NSD1: variants seen among roughly 807,000 people sequenced by gnomAD.
NSD1 encodes nuclear receptor binding SET domain protein 1.
NSD1 carries 26 observed loss-of-function variants against 242.7 expected under a neutral mutation model. The ratio of observed to expected loss-of-function variants is 0.11; its 90% CI spans 0.08 to 0.15. NSD1 has a LOEUF of 0.15. Ranked by LOEUF, NSD1 falls within the 10% of genes least tolerant of loss-of-function variation. The probability of loss-of-function intolerance (pLI) is 1.00; values close to 1 mark genes in which losing one functional copy is unlikely to be tolerated. For missense variants in NSD1, 2,495 were observed against 3,272.8 expected (o/e 0.76, Z 5.80); for synonymous variants, 1,106 against 1,178.1 (o/e 0.94, Z 1.25).
intron 3 of NSD1, 145 bp from the exon 4 acceptor site, chr5:177,203,975 A>G (rs888983596): frequency 5.1e-6 from 4 of 779,266 alleles, no homozygotes; most frequent in Middle Eastern, 3.5e-4. Context: ...TTCCTTGTGT[A>G]TGATCTATTC....
chr5:177,284,579 G>C (rs574819528), intron 20 of NSD1, among the ~76,000 whole-genome samples: 7 of 152,260 alleles, frequency 4.6e-5, no homozygotes, highest in Admixed American at 2.0e-4. Flanking sequence ...GAGCCACCTC[G>C]CTTAGCTTGG....
chr5:177,135,749 G>C lies in NSD1; in HGVS notation c.646G>C (p.Glu216Gln). The C allele has an allele frequency of 6.2e-7, 1 of 1,614,178 alleles. No homozygotes were observed. Among genetic ancestry groups the C allele is most frequent in the African/African-American group, 1.3e-5 (1 of 75,048 alleles). ...GGGAAGTGAACAAGACAGCACACCA[G>C]AGAGTAGACACGGTGCAGTCAAATC... is the stretch of plus-strand genomic sequence containing the variant. ...AMGSEQDSTP[E>Q]SRHGAVKSPF... is the part of the protein sequence containing the mutation. Residue 216 changes from glutamate (E) to glutamine (Q), a missense_variant, in exon 2 of 23, where the codon GAG (glutamate) becomes CAG (glutamine). Transcript: ENST00000439151.
rs1451317440 is a variant in NSD1, at chr5:177,299,442, C to T, written c.*3983C>T. 91 of 233,118 alleles carry T rather than the reference C, an allele frequency of 3.9e-4. No homozygotes were observed. In the East Asian group the frequency reaches 5.5e-3, roughly 14 times the overall value. 14.4% of individuals were successfully genotyped at this position (233,118 alleles called of 1,614,324 possible). A position where few individuals can be genotyped will look rare whatever the true frequency, so the allele number is the denominator to read the frequency against. On this transcript the variant is annotated 3_prime_UTR_variant, in exon 23 of 23. Coordinates refer to ENST00000439151, the MANE Select transcript of NSD1 (RefSeq NM_022455.5). ...CCATTGAGTTTCTCAGGGCTGGGGC[C>T]ACCTTGTCCATAGCCTCCGTCCACG...
chr5:177,255,707 G>C (rs977207700), intron 12 of NSD1, among the ~76,000 whole-genome samples: 8 of 151,946 alleles, frequency 5.3e-5, no homozygotes, highest in African/African-American at 1.7e-4. Flanking sequence ...CTCAGCCTCT[G>C]TATTAGTTGG....
intron 2 of NSD1, among the ~76,000 whole-genome samples, chr5:177,180,585 G>GT (rs1422670506): frequency 6.6e-6 from 1 of 151,990 alleles, no homozygotes; most frequent in Non-Finnish European, 1.5e-5. Context: ...TGCTTAGTCT[G>GT]TTAATTACTG....
At chr5:177,146,356 C>T (rs951598821) in intron 2 of NSD1, among the ~76,000 whole-genome samples, 1 of 151,782 alleles carries the variant, frequency 6.6e-6, no homozygotes, top group South Asian at 2.1e-4. Context: ...CAGGCGTGTG[C>T]TATGACGCCC....
chr5:177,286,613 T>C (rs1759349011), intron 20 of NSD1, among the ~76,000 whole-genome samples: 1 of 152,214 alleles, frequency 6.6e-6, no homozygotes, highest in South Asian at 2.1e-4. Flanking sequence ...ACCTCTCTCA[T>C]TCTTTTCTCC....
intron 2 of NSD1, among the ~76,000 whole-genome samples, chr5:177,158,281 CTT>C (rs763165089): frequency 4.9e-5 from 5 of 102,894 alleles, no homozygotes; most frequent in Non-Finnish European, 8.7e-5. Context: ...TTCTTTCTTT[CTT>C]TCTTTCTTTC....
At chr5:177,139,429 A>T (rs1326726811) in intron 2 of NSD1, among the ~76,000 whole-genome samples, 1 of 147,002 alleles carries the variant, frequency 6.8e-6, no homozygotes. Context: ...CTTGAGACAG[A>T]GGGAGACTCC....
intron 16 of NSD1, among the ~76,000 whole-genome samples, chr5:177,270,287 C>T (rs898175399): frequency 1.3e-5 from 2 of 152,198 alleles, no homozygotes; most frequent in Non-Finnish European, 2.9e-5. Context: ...GTTTTGTAAA[C>T]TGGCCTAGCA....
intron 17 of NSD1, among the ~76,000 whole-genome samples, chr5:177,277,773 A>T (rs1478083739): frequency 6.6e-6 from 1 of 152,222 alleles, no homozygotes; most frequent in Non-Finnish European, 1.5e-5. Context: ...TGAGCCTGGA[A>T]AGTCAACGCT....
At chr5:177,174,689 G>T (rs931492361) in intron 2 of NSD1, among the ~76,000 whole-genome samples, 2 of 150,220 alleles carry the variant, frequency 1.3e-5, no homozygotes, top group African/African-American at 4.9e-5. Context: ...CTCCTGAGTA[G>T]CTGGGATTAC....
rs758535770 is a variant in NSD1, at chr5:177,135,652, C to A, written c.549C>A (p.Ile183=). 6.2e-7 allele frequency: 1 copy of A among 1,614,078 alleles called. No homozygotes were observed. The highest frequency in any genetic ancestry group is 8.5e-7 in the Non-Finnish European group (1 of 1,180,058). Residue 183 remains isoleucine, a synonymous_variant, in exon 2 of 23, where the codon ATC becomes ATA. Transcript: ENST00000439151. The part of the protein sequence containing the change: ...PVTEDESIEE[I]FEETQTNATC... ...CAGAGGATGAGAGTATAGAGGAGAT[C>A]TTTGAGGAAACTCAGACCAATGCCA...
intron 17 of NSD1, among the ~76,000 whole-genome samples, chr5:177,277,089 T>G (rs2127251090): frequency 6.6e-6 from 1 of 151,912 alleles, no homozygotes; most frequent in South Asian, 2.1e-4. Flanking sequence ...TTCCTGTGAG[T>G]GATCTCATCA....
At chr5:177,245,570 T>G (rs2149896297) in intron 9 of NSD1, among the ~76,000 whole-genome samples, 1 of 152,310 alleles carries the variant, frequency 6.6e-6, no homozygotes, top group South Asian at 2.1e-4. Flanking sequence ...CTCTTTATGT[T>G]TCTATAACAC....
At chr5:177,162,923 C>G (rs1324600532) in intron 2 of NSD1, among the ~76,000 whole-genome samples, 2 of 152,076 alleles carry the variant, frequency 1.3e-5, no homozygotes, top group African/African-American at 2.4e-5. Context: ...CCTCGGCCTC[C>G]CAATGTGCTG....
In NSD1 at chr5:177,282,458, G is replaced by A; in HGVS notation, c.5893-7G>A. The A allele has an allele frequency of 6.3e-7, 1 of 1,596,548 alleles. No homozygotes were observed. The highest frequency in any genetic ancestry group is 1.1e-5 in the South Asian group (1 of 90,680). On this transcript the variant is annotated splice_region_variant and splice_polypyrimidine_tract_variant and intron_variant, in intron 18 of 22. Transcript: ENST00000439151. ...GCCATTAAGTCAGGAGGTATTTCTT[G>A]TTCTAGGGTGAATTTGTGAATGAGT... is the stretch of plus-strand genomic sequence containing the variant.
intron 14 of NSD1, chr5:177,265,356 T>A: frequency 1.7e-6 from 1 of 598,560 alleles, no homozygotes; most frequent in Admixed American, 3.0e-5. Context: ...GTAAGAATTT[T>A]TTTTGTTTCC....
At chr5:177,236,653 A>G (rs150561739) in intron 6 of NSD1, among the ~76,000 whole-genome samples, 1 of 152,272 alleles carries the variant, frequency 6.6e-6, no homozygotes, top group African/African-American at 2.4e-5. Flanking sequence ...TTGCTTCCTC[A>G]TAGGTGTCAC....
Sources: gnomAD v4.1 joint callset for allele counts (sites outside exome capture counted in the v4.1 genomes callset) on GRCh38, gnomAD v4.1.1 for gene constraint, MANE v1.5 for transcripts, NCBI Gene and HGNC (gene_info 2026-07-23, HGNC 2026-07-21) for gene names.